The following DDX11 variants were observed in gnomAD, a reference collection of about 807,000 sequenced individuals.
DDX11 encodes the protein DEAD/H-box helicase 11.
In DDX11, 72 loss-of-function variants were observed where a neutral mutation model predicts 125.2. The observed-to-expected ratio is 0.58, with a 90% CI of 0.48 to 0.70. The LOEUF (loss-of-function observed/expected upper bound fraction) is 0.70, where lower values mean the gene tolerates loss of function less well. Among genes scored for constraint, DDX11 ranks in the 30% least tolerant of loss-of-function variants. DDX11 has a pLI of 0.00. For missense variants in DDX11, 883 were observed against 1,165.0 expected, an observed-to-expected ratio of 0.76 and a Z score of 3.52; for synonymous variants, 347 against 452.6, an observed-to-expected ratio of 0.77 and a Z score of 2.96.
At position 31,104,288 on chromosome 12, in the gene DDX11, A is replaced by G. The variant is rs1946892676; in HGVS notation, c.*452A>G. 1 of 557,806 alleles carries G rather than the reference A, an allele frequency of 1.8e-6. No homozygotes were observed. 34.6% of individuals were successfully genotyped at this position (557,806 alleles called of 1,614,324 possible). On this transcript the variant is annotated 3_prime_UTR_variant, in exon 27 of 27. Transcript: ENST00000542838. ...CTGGACTGCTCACTCTCTGGTCTCA[A>G]TTTAAAATGATCCATGGCCACAGGG...
chr12:31,091,771 C>A lies in DDX11; in HGVS notation c.1142C>A (p.Ala381Glu), dbSNP rs150966927. Residue 381 changes from alanine (A) to glutamate (E), a missense_variant, in exon 10 of 27, where the codon GCG (alanine) becomes GAG (glutamate). By Grantham distance (107) the Ala-to-Glu change is moderately radical. This residue lies in a region of DDX11 where 72 missense variants were observed against 159.7 expected (regional missense o/e 0.45). Transcript: ENST00000542838. ...MLLHAATRQA[A>E]GIRLQDQVVI... ...CTGCATGCGGCCACTCGGCAGGCCG[C>A]GGGCATCCGGCTGCAGGACCAGGTG... 1.2e-6 allele frequency: 2 copies of A among 1,613,500 alleles called. No homozygotes were observed. Among genetic ancestry groups the A allele is most frequent in the East Asian group, 2.2e-5 (1 of 44,872 alleles).
Position 31,089,024 on chromosome 12 carries a change from C to T in DDX11, c.685-20C>T. 1 of 1,605,804 alleles carries T rather than the reference C, an allele frequency of 6.2e-7. No homozygotes were observed. Among genetic ancestry groups the T allele is most frequent in the Non-Finnish European group, 8.5e-7 (1 of 1,172,510 alleles). ...ATGTTTTGGTTCTCTCTTTGAAGCG[C>T]CTTTCTTTCTCTCTGCTAGATTTAT... On this transcript the variant is annotated intron_variant, in intron 6 of 26. Coordinates refer to ENST00000542838, the MANE Select transcript of DDX11 (RefSeq NM_030653.4).
At chr12:31,100,230 C>A (rs1011772106) in intron 18 of DDX11, among the ~76,000 whole-genome samples, 1 of 152,156 alleles carries the variant, frequency 6.6e-6, no homozygotes, top group African/African-American at 2.4e-5. Context: ...TGTATCCCAC[C>A]AGTACTGTCT....
chr12:31,088,804 C>G (rs1199257800), intron 6 of DDX11, among the ~76,000 whole-genome samples: 1 of 152,222 alleles, frequency 6.6e-6, no homozygotes. Context: ...CTGGATATGA[C>G]TCGTGGAAGG....
Position 31,100,922 on chromosome 12 carries a change from G to A in DDX11, c.1949-105G>A, listed in dbSNP as rs1030199735. 4.2e-6 allele frequency: 5 copies of A among 1,196,836 alleles called. No homozygotes were observed. The African/African-American group carries it at 6.0e-5, about 14-fold the overall frequency. The allele number at this position is 1,196,836 out of a possible 1,614,324, so 74.1% of individuals were successfully genotyped here. On this transcript the variant is annotated intron_variant, in intron 19 of 26. Transcript: ENST00000542838. Reference sequence around the variant, plus strand: ...GATGGTGGGCGGGTGAGCGCTGTCAGTCGCTGTTCCTGTGCTGGATGATGG... The same window carrying A: ...GATGGTGGGCGGGTGAGCGCTGTCAATCGCTGTTCCTGTGCTGGATGATGG...
intron 5 of DDX11, among the ~76,000 whole-genome samples, chr12:31,086,696 A>G (rs570520549): frequency 6.6e-6 from 1 of 151,930 alleles, no homozygotes; most frequent in Non-Finnish European, 1.5e-5. Flanking sequence ...AGGTCTGGGC[A>G]AGAGCCATGG....
chr12:31,089,075 T>A lies in DDX11; in HGVS notation c.716T>A (p.Leu239Gln). The A allele has an allele frequency of 6.2e-7, 1 of 1,614,008 alleles. No homozygotes were observed. The highest frequency in any genetic ancestry group is 8.5e-7 in the Non-Finnish European group (1 of 1,179,844). The change falls in exon 7 of 27, where the codon CTG becomes CAG. Residue 239 changes from leucine (L) to glutamine (Q), a missense_variant. Coordinates refer to ENST00000542838, the MANE Select transcript of DDX11 (RefSeq NM_030653.4). ...IYYCSRTHSQLAQFVHEVKKS... is the reference protein window; with the variant it reads ...IYYCSRTHSQQAQFVHEVKKS... ...TACTGTAGTCGGACACACTCCCAGC[T>A]GGCCCAGTTTGTGCATGAGGTGAAG...
chr12:31,103,710 C>T lies in DDX11; in HGVS notation c.2670C>T (p.Pro890=), dbSNP rs556286082. The change falls in exon 26 of 27, where the codon CCC becomes CCT. Residue 890 remains proline, a synonymous_variant. Transcript: ENST00000542838. ...TGGAGGTCAAAGCTACCTTTGGCCC[C>T]GCCATTGCTGCTGTGCAGAAGGTCA... The part of the protein sequence containing the change: ...ARVEVKATFG[P]AIAAVQKFHR... 1.2e-5 allele frequency: 19 copies of T among 1,613,824 alleles called. No individual in the cohort carries two copies. Among genetic ancestry groups the T allele is most frequent in the East Asian group, 4.5e-5 (2 of 44,888 alleles).
chr12:31,086,962 AAT>A (rs1004713111), intron 5 of DDX11, among the ~76,000 whole-genome samples: 3 of 127,126 alleles, frequency 2.4e-5, no homozygotes, highest in Non-Finnish European at 4.8e-5. Flanking sequence ...AGCCCAAGAC[AAT>A]TGTATTCTGT....
At chr12:31,101,498 G>A (rs1946373099) in intron 20 of DDX11, 1 of 497,384 alleles carries the variant, frequency 2.0e-6, no homozygotes, top group Non-Finnish European at 3.7e-6. Context: ...TGTGCCTGGG[G>A]TGTGCAGCCC....
Position 31,088,002 on chromosome 12 carries a change from G to T in DDX11, c.684+19G>T. ...AACTAAGGTAACACAAGTGTCCTCA[G>T]CTGGTGCTGTGCTGGGGGTATAGGC... On this transcript the variant is annotated intron_variant, in intron 6 of 26. Transcript: ENST00000542838. 6.2e-7 allele frequency: 1 copy of T among 1,607,330 alleles called. No homozygotes were observed. Among genetic ancestry groups the T allele is most frequent in the Admixed American group, 1.7e-5 (1 of 58,498 alleles).
rs767656949 is a variant in DDX11, at chr12:31,101,838, C to G, written c.2058C>G (p.Asp686Glu). The G allele has an allele frequency of 6.2e-7, 1 of 1,613,834 alleles. No individual in the cohort carries two copies. The highest frequency in any genetic ancestry group is 1.3e-5 in the African/African-American group (1 of 74,924). The change falls in exon 21 of 27, where the codon GAC becomes GAG. Residue 686 changes from aspartate (D) to glutamate (E), a missense_variant. Transcript: ENST00000542838. Reference protein sequence around the residue: ...FQKRELPQMMDEVGRILCNLC... With the variant: ...FQKRELPQMMEEVGRILCNLC... Reference sequence around the variant, plus strand: ...TCCCTCCTTTCCTTCCTTAGATGGACGAGGTGGGTCGCATTCTCTGTAACC... The same window carrying G: ...TCCCTCCTTTCCTTCCTTAGATGGAGGAGGTGGGTCGCATTCTCTGTAACC...
At chr12:31,099,699 A>G (rs1440518663) in intron 18 of DDX11, among the ~76,000 whole-genome samples, 2 of 151,664 alleles carry the variant, frequency 1.3e-5, no homozygotes, top group Non-Finnish European at 2.9e-5. Flanking sequence ...TTTTTGTTTC[A>G]TTTTCTTTTC....
In DDX11 at chr12:31,078,510, T is replaced by C; in HGVS notation, c.117T>C (p.Ile39=). 1 of 1,611,738 alleles carries C rather than the reference T, an allele frequency of 6.2e-7. No individual in the cohort carries two copies. Among genetic ancestry groups the C allele is most frequent in the Non-Finnish European group, 8.5e-7 (1 of 1,179,722 alleles). The change falls in exon 2 of 27, where the codon ATT becomes ATC. Residue 39 remains isoleucine (I), a synonymous_variant. Coordinates refer to ENST00000542838, the MANE Select transcript of DDX11 (RefSeq NM_030653.4). ...ELYRVLEAGK[I]GIFESPTGTG... is the part of the protein sequence containing the mutation. ...ACCGGGTTTTGGAGGCTGGCAAGAT[T>C]GGGATATTTGAGAGTCCAACTGGCA...
rs201906426 is a variant in DDX11, at chr12:31,083,964, A to G, written c.296A>G (p.Glu99Gly). Residue 99 changes from glutamate to glycine, a missense_variant, in exon 3 of 27, where the codon GAA becomes GGA. Around this residue, in one of 5 missense-constraint regions of DDX11, gnomAD observed 283 missense variants for 359.6 expected, o/e 0.79. Transcript: ENST00000542838. The stretch of plus-strand genomic sequence containing the variant: ...TCCCTGTGTCTGTCTTCTTCCTGCG[A>G]AGGGGCTGCAGGCACCCCGAGGCCT... ...DESLCLSSSC[E>G]GAAGTPRPAG... 1.1e-5 allele frequency: 17 copies of G among 1,613,960 alleles called. No homozygotes were observed. In the Admixed American group the frequency reaches 1.8e-4, roughly 17 times the overall value.
rs1195797948 is a variant in DDX11 at position 31,103,299 on chromosome 12, C to T, written c.2458-18C>T. ...CAGGCAGGGAACAGTCCTGATGGGT[C>T]TTCCCCTTCACTCCCAGCCCAGAGC... On this transcript the variant is annotated intron_variant, in intron 24 of 26. Coordinates refer to ENST00000542838, the MANE Select transcript of DDX11 (RefSeq NM_030653.4). The T allele has an allele frequency of 6.2e-7, 1 of 1,609,562 alleles. No individual in the cohort carries two copies.
chr12:31,090,182 G>A (rs1943956979), intron 9 of DDX11, 88 bp downstream of exon 9: 1 of 1,149,118 alleles, frequency 8.7e-7, no homozygotes, highest in Admixed American at 2.0e-5. Flanking sequence ...TGTAGTTTGG[G>A]GGATGCCCCC....
rs1046462 is a variant in DDX11, at chr12:31,104,143, G to T, written c.*307G>T. 2.7e-6 allele frequency: 4 copies of T among 1,461,008 alleles called. No homozygotes were observed. Among genetic ancestry groups the T allele is most frequent in the South Asian group, 2.9e-5 (2 of 68,792 alleles). 90.5% of individuals were successfully genotyped at this position (1,461,008 alleles called of 1,614,324 possible). On this transcript the variant is annotated 3_prime_UTR_variant, in exon 27 of 27. Transcript: ENST00000542838. The stretch of plus-strand genomic sequence containing the variant: ...GAGCCAGGCTTCCTTCCTGGTCTCC[G>T]CAGGAGGCTGTGGCAGCTGTGGCAT...
At position 31,102,418 on chromosome 12, in the gene DDX11, C is replaced by G; in HGVS notation, c.2272-9C>G. The G allele has an allele frequency of 6.2e-7, 1 of 1,613,754 alleles. No homozygotes were observed. Among genetic ancestry groups the G allele is most frequent in the Admixed American group, 1.7e-5 (1 of 60,026 alleles). On this transcript the variant is annotated splice_polypyrimidine_tract_variant and intron_variant, in intron 22 of 26. Transcript: ENST00000542838. ...GCTCAGCAACTCAGCGTCTGGGTTT[C>G]TCCTACAGGCCTGTGGCCAGGAGAG...
Sources: allele counts gnomAD v4.1 joint callset (sites outside exome capture counted in the v4.1 genomes callset), GRCh38; gene constraint gnomAD v4.1.1; regional missense constraint gnomAD v4.1.1; transcripts MANE v1.5; gene names NCBI Gene and HGNC (gene_info 2026-07-23, HGNC 2026-07-21).